CLASP2: variants seen among roughly 807,000 people sequenced by gnomAD.
CLASP2 encodes the protein CLIP-associating protein 2.
CLASP2 carries 47 observed loss-of-function variants against 194.4 expected under a neutral mutation model. The ratio of observed to expected loss-of-function variants is 0.24; its 90% CI spans 0.19 to 0.31. CLASP2 has a LOEUF of 0.31. Among genes scored for constraint, CLASP2 ranks in the 10% least tolerant of loss-of-function variants. The pLI, the probability that CLASP2 is intolerant of heterozygous loss-of-function variation, is 1.00. For synonymous variants in CLASP2, 619 were observed against 633.5 expected, an observed-to-expected ratio of 0.98 and a Z score of 0.34; for missense variants, 1,445 against 1,823.6, an observed-to-expected ratio of 0.79 and a Z score of 3.78.
intron 30 of CLASP2, among the ~76,000 whole-genome samples, chr3:33,550,646 T>TA (rs141404477): frequency 1.8e-4 from 26 of 145,912 alleles, no homozygotes; most frequent in South Asian, 4.4e-4. Context: ...TTATGATACT[T>TA]AAAAAAAAAA....
intron 6 of CLASP2, among the ~76,000 whole-genome samples, chr3:33,666,003 C>T (rs1441767830): frequency 6.6e-6 from 1 of 152,142 alleles, no homozygotes; most frequent in African/African-American, 2.4e-5. Context: ...TAGGAAGGTT[C>T]TGACTTAGGA....
chr3:33,653,092 A>C (rs753995218), intron 7 of CLASP2, among the ~76,000 whole-genome samples: 1 of 152,162 alleles, frequency 6.6e-6, no homozygotes, highest in African/African-American at 2.4e-5. Context: ...AAAAACACTA[A>C]ATGAAAGGCT....
intron 12 of CLASP2, among the ~76,000 whole-genome samples, chr3:33,615,006 A>T (rs1373295529): frequency 6.6e-6 from 1 of 152,114 alleles, no homozygotes; most frequent in Non-Finnish European, 1.5e-5. Flanking sequence ...GTGAAAGAAA[A>T]GGAAAGTGAA....
In CLASP2 at chr3:33,506,377, C is replaced by CAAAAAAAAAAAAAAAAAAAAAAAA. The variant is rs2048189726; in HGVS notation, c.4317+4180_4317+4181insTTTTTTTTTTTTTTTTTTTTTTTT. On this transcript the variant is annotated intron_variant, in intron 37 of 38. Transcript: ENST00000682230. ...TGGGTGACAGAGTGAGACTCTGTCT[C>CAAAAAAAAAAAAAAAAAAAAAAAA]GAAAAAAAAAAAAAAAAAAAAAAAA... Among the ~76,000 whole-genome samples the CAAAAAAAAAAAAAAAAAAAAAAAA allele has an allele frequency of 1.6e-4, 10 of 61,878 alleles. 2 individuals carry two copies. The highest frequency in any genetic ancestry group is 5.7e-4 in the African/African-American group (10 of 17,542). The allele number at this position is 61,878 out of a possible 152,430, so 40.6% of individuals were successfully genotyped here.
chr3:33,513,196 T>G (rs186266475), intron 36 of CLASP2, among the ~76,000 whole-genome samples: 1 of 152,120 alleles, frequency 6.6e-6, no homozygotes, highest in Non-Finnish European at 1.5e-5. Flanking sequence ...TGAAATGCCA[T>G]AGATGTACCA....
intron 19 of CLASP2, 57 bp downstream of exon 19, chr3:33,596,654 A>C (rs781478894): frequency 4.2e-6 from 5 of 1,189,244 alleles, no homozygotes; most frequent in Non-Finnish European, 6.1e-6. Context: ...CAAGGATATT[A>C]TATAGAATCC....
At chr3:33,658,645 G>A (rs1373051548) in intron 7 of CLASP2, among the ~76,000 whole-genome samples, 1 of 152,108 alleles carries the variant, frequency 6.6e-6, no homozygotes, top group Non-Finnish European at 1.5e-5. Context: ...TTCCTCCAAA[G>A]GCAATGTTCT....
intron 34 of CLASP2, among the ~76,000 whole-genome samples, chr3:33,521,181 A>G (rs2052974036): frequency 6.6e-6 from 1 of 152,342 alleles, no homozygotes; most frequent in Non-Finnish European, 1.5e-5. Flanking sequence ...TACTGTTACA[A>G]AAATGTATGT....
At chr3:33,598,562 T>C (rs1442241923) in intron 18 of CLASP2, among the ~76,000 whole-genome samples, 1 of 152,184 alleles carries the variant, frequency 6.6e-6, no homozygotes, top group Non-Finnish European at 1.5e-5. Context: ...AACTTTTCCA[T>C]CTCTACTGAC....
intron 32 of CLASP2, among the ~76,000 whole-genome samples, chr3:33,540,199 C>T (rs1291134381): frequency 2.8e-5 from 4 of 144,418 alleles, no homozygotes; most frequent in Admixed American, 1.4e-4. Flanking sequence ...CAAAGTGTTG[C>T]GATTACACGC....
chr3:33,609,357 G>A (rs961175833), intron 13 of CLASP2, among the ~76,000 whole-genome samples: 7 of 152,178 alleles, frequency 4.6e-5, no homozygotes, highest in African/African-American at 1.7e-4. Context: ...GCACTTGACA[G>A]TGAAGATATA....
chr3:33,694,709 TTTC>T, intron 2 of CLASP2, among the ~76,000 whole-genome samples: 1 of 152,326 alleles, frequency 6.6e-6, no homozygotes, highest in Non-Finnish European at 1.5e-5. Flanking sequence ...CATTAGGCAA[TTTC>T]TTGAGACAAG....
In CLASP2 at chr3:33,687,138, A is replaced by G. The variant is rs779805860; in HGVS notation, c.471-3T>C. 2 of 1,570,950 alleles carry G rather than the reference A, an allele frequency of 1.3e-6. No individual in the cohort carries two copies. The highest frequency in any genetic ancestry group is 1.4e-5 in the African/African-American group (1 of 73,252). On this transcript the variant is annotated splice_polypyrimidine_tract_variant and splice_region_variant and intron_variant, in intron 4 of 38. Transcript: ENST00000682230. ...TGACTAGTGGCTGAGCCCCAAAACT[A>G]AATATAATTTGAGAAAAAAATAAAG...
intron 1 of CLASP2, 57 bp downstream of exon 1, chr3:33,717,751 G>A (rs560214275): frequency 1.8e-5 from 28 of 1,531,552 alleles, no homozygotes; most frequent in African/African-American, 2.7e-5. Context: ...CTCGCGTCCG[G>A]GATTAAAGGG....
At position 33,718,179 on chromosome 3, in the gene CLASP2, A is replaced by G. The variant is rs569999315; in HGVS notation, c.-177T>C. ...ACGCCAAGCGCCCAGCCGCCCCCAA[A>G]CTAGTCAAACTCGGCGCCCCCCGAT... On this transcript the variant is annotated 5_prime_UTR_variant, in exon 1 of 39. Transcript: ENST00000682230. The G allele has an allele frequency of 1.5e-5, 7 of 465,870 alleles. No homozygotes were observed. In the East Asian group the frequency reaches 1.9e-4, roughly 13 times the overall value. 28.9% of individuals were successfully genotyped at this position (465,870 alleles called of 1,614,324 possible). A position where few individuals can be genotyped will look rare whatever the true frequency, so the allele number is the denominator to read the frequency against.
intron 34 of CLASP2, among the ~76,000 whole-genome samples, chr3:33,523,890 T>C (rs1398146667): frequency 6.6e-6 from 1 of 152,144 alleles, no homozygotes; most frequent in African/African-American, 2.4e-5. Context: ...ACATTTAAAG[T>C]AGCATTATAA....
intron 6 of CLASP2, 86 bp downstream of exon 6, chr3:33,684,269 TAAAA>T (rs1402038467): frequency 1.5e-6 from 1 of 656,384 alleles, no homozygotes. Flanking sequence ...AATAAATAAA[TAAAA>T]AATACATTGA....
At chr3:33,526,964 A>T (rs1438945491) in intron 34 of CLASP2, among the ~76,000 whole-genome samples, 2 of 152,208 alleles carry the variant, frequency 1.3e-5, no homozygotes, top group Non-Finnish European at 1.5e-5. Flanking sequence ...AGAATCTTTG[A>T]GATACAGCTA....
chr3:33,562,045 T>C (rs1353912714), intron 27 of CLASP2, among the ~76,000 whole-genome samples: 4 of 152,212 alleles, frequency 2.6e-5, no homozygotes. Context: ...TGAACTCTTT[T>C]TTTTCTTTAG....
Sources: gnomAD v4.1 joint callset for allele counts (sites outside exome capture counted in the v4.1 genomes callset) on GRCh38, gnomAD v4.1.1 for gene constraint, MANE v1.5 for transcripts, NCBI Gene and HGNC (gene_info 2026-07-23, HGNC 2026-07-21) for gene names.